The following FGF14 variants were observed in gnomAD, a reference collection of about 807,000 sequenced individuals.
FGF14 encodes the protein fibroblast growth factor homologous factor 4.
A neutral mutation model predicts 25.5 loss-of-function variants in FGF14; 5 were observed. The observed-to-expected ratio is 0.20, with a 90% confidence interval of 0.10 to 0.41. The LOEUF (loss-of-function observed/expected upper bound fraction) is 0.41. FGF14 is among the 10% of genes least tolerant of loss of function. The pLI, the probability that FGF14 is intolerant of heterozygous loss-of-function variation, is 1.00. For synonymous variants in FGF14, 138 were observed against 118.3 expected, an observed-to-expected ratio of 1.17 and a Z score of -1.08; for missense variants, 222 against 320.1, an observed-to-expected ratio of 0.69 and a Z score of 2.34.
At chr13:102,318,093 A>T (rs946717653) in intron 1 of FGF14, among the ~76,000 whole-genome samples, 11 of 152,192 alleles carry the variant, frequency 7.2e-5, no homozygotes, top group Admixed American at 7.2e-4. Flanking sequence ...TTTTCAGTAA[A>T]TGGAGGGAGT....
At chr13:102,137,321 C>T (rs2140439402) in intron 1 of FGF14, among the ~76,000 whole-genome samples, 1 of 152,328 alleles carries the variant, frequency 6.6e-6, no homozygotes, top group Non-Finnish European at 1.5e-5. Context: ...GCACAACTAA[C>T]TGCAAACTTA....
rs143090182 is a variant in FGF14, at chr13:102,185,384, A to C, written c.208+216087T>G. Among the ~76,000 whole-genome samples, 680 of 152,326 alleles carry C rather than the reference A, an allele frequency of 4.5e-3. 10 individuals carry two copies. Among genetic ancestry groups the C allele is most frequent in the African/African-American group, 0.016 (647 of 41,594 alleles). Reference sequence around the variant, plus strand: ...GGAAAGGCCACAACACAGTGGAAAGAGAAATTAAGAGATGGTGGCATAAAT... The same window carrying C: ...GGAAAGGCCACAACACAGTGGAAAGCGAAATTAAGAGATGGTGGCATAAAT... On this transcript the variant is annotated intron_variant, in intron 1 of 4. Coordinates refer to the FGF14 transcript ENST00000376131.
chr13:102,351,189 C>T (rs1214068213), intron 1 of FGF14, among the ~76,000 whole-genome samples: 1 of 151,664 alleles, frequency 6.6e-6, no homozygotes, highest in Admixed American at 6.6e-5. Context: ...CTATGTGAAT[C>T]AAAAAGACTA....
intron 1 of FGF14, among the ~76,000 whole-genome samples, chr13:102,274,063 T>A (rs1446123780): frequency 1.3e-5 from 2 of 152,056 alleles, no homozygotes; most frequent in African/African-American, 4.8e-5. Flanking sequence ...AGTAGTCACC[T>A]TGAGGGGTTT....
At chr13:102,388,125 G>A (rs1410647368) in intron 1 of FGF14, among the ~76,000 whole-genome samples, 1 of 152,064 alleles carries the variant, frequency 6.6e-6, no homozygotes, top group Non-Finnish European at 1.5e-5. Context: ...GTGTCCATGT[G>A]TACTCAATGT....
chr13:101,892,746 G>A (rs182858609), intron 1 of FGF14, among the ~76,000 whole-genome samples: 1 of 152,300 alleles, frequency 6.6e-6, no homozygotes. Context: ...GTAAGTCATA[G>A]CCTCTTGAAT....
intron 1 of FGF14, among the ~76,000 whole-genome samples, chr13:101,891,613 C>G (rs2029861427): frequency 6.6e-6 from 1 of 152,076 alleles, no homozygotes; most frequent in African/African-American, 2.4e-5. Flanking sequence ...CTTTGAAAAC[C>G]ATGCAAATCT....
In FGF14 at chr13:102,212,927, C is replaced by G. The variant is rs1403058642; in HGVS notation, c.208+188544G>C. Among the ~76,000 whole-genome samples the G allele has an allele frequency of 3.3e-5, 5 of 152,140 alleles. No homozygotes were observed. In the East Asian group the frequency reaches 9.6e-4, roughly 29 times the overall value. ...AAAGTCTGTGACTCCACTTCCCCAC[C>G]CCCCACAGTGCAAAACACTTAGCTT... On this transcript the variant is annotated intron_variant, in intron 1 of 4. Coordinates refer to the FGF14 transcript ENST00000376131.
At chr13:102,059,864 C>CAAAAAAAAAAAAAA (rs1360310381) in intron 1 of FGF14, among the ~76,000 whole-genome samples, 1 of 139,616 alleles carries the variant, frequency 7.2e-6, no homozygotes, top group African/African-American at 2.9e-5. Context: ...AAAACAAAAA[C>CAAAAAAAAAAAAAA]AAAAACAAAA....
intron 3 of FGF14, among the ~76,000 whole-genome samples, chr13:101,812,682 T>TA (rs1349460943): frequency 1.6e-4 from 17 of 109,386 alleles, no homozygotes; most frequent in East Asian, 6.3e-4. Flanking sequence ...TTTTTTTTTT[T>TA]ACGGAGTTTT....
intron 1 of FGF14, among the ~76,000 whole-genome samples, chr13:101,877,858 T>C (rs915622216): frequency 3.3e-5 from 5 of 152,206 alleles, no homozygotes; most frequent in Non-Finnish European, 7.4e-5. Flanking sequence ...CCAAAATTGC[T>C]AGTTCAGTAC....
At chr13:101,893,972 T>C (rs916720943) in intron 1 of FGF14, among the ~76,000 whole-genome samples, 1 of 151,928 alleles carries the variant, frequency 6.6e-6, no homozygotes, top group African/African-American at 2.4e-5. Flanking sequence ...GTCCTCTGTG[T>C]TAGTGAAAGT....
chr13:102,165,275 G>C (rs9557825), intron 1 of FGF14, among the ~76,000 whole-genome samples: 13,741 of 151,834 alleles, frequency 0.091, 1,261 homozygotes, highest in East Asian at 0.49. Context: ...CAGGGATCTA[G>C]AACTAGAAAT....
At chr13:101,933,196 A>C (rs953401419) in intron 1 of FGF14, among the ~76,000 whole-genome samples, 1 of 152,200 alleles carries the variant, frequency 6.6e-6, no homozygotes, top group Non-Finnish European at 1.5e-5. Flanking sequence ...CAAATCCATT[A>C]AAACTAACCA....
intron 1 of FGF14, among the ~76,000 whole-genome samples, chr13:102,393,256 TTTGTC>T (rs1450915776): frequency 6.6e-6 from 1 of 152,216 alleles, no homozygotes; most frequent in African/African-American, 2.4e-5. Flanking sequence ...GATCCTGTCT[TTTGTC>T]TTTCCTGCTA....
Position 101,850,333 on chromosome 13 carries a change from T to A in FGF14, c.408+18392A>T, listed in dbSNP as rs544996224. On this transcript the variant is annotated intron_variant, in intron 3 of 4. Transcript: ENST00000376143. ...GCCGGGCATAGTGGCAGGCGCCTGT[T>A]GTCCCAGCTCCTCGGGAGGCTGAGA... Among the ~76,000 whole-genome samples, 922 of 144,302 alleles carry A rather than the reference T, an allele frequency of 6.4e-3. 10 individuals carry two copies. The highest frequency in any genetic ancestry group is 0.016 in the South Asian group (72 of 4,470). The allele number at this position is 144,302 out of a possible 152,430, so 94.7% of individuals were successfully genotyped here.
chr13:101,968,396 G>A (rs2037356174), intron 1 of FGF14, among the ~76,000 whole-genome samples: 1 of 151,998 alleles, frequency 6.6e-6, no homozygotes, highest in African/African-American at 2.4e-5. Context: ...AGCTTAGGCT[G>A]GGCGTGGTGG....
intron 1 of FGF14, among the ~76,000 whole-genome samples, chr13:102,393,126 T>TA (rs935607578): frequency 4.6e-5 from 7 of 152,214 alleles, no homozygotes; most frequent in Admixed American, 3.9e-4. Context: ...GGCTAACTCT[T>TA]AGTCATTCTT....
At position 102,334,566 on chromosome 13, in the gene FGF14, C is replaced by A. The variant is rs114794765; in HGVS notation, c.208+66905G>T. 2.0e-3 allele frequency among the ~76,000 whole-genome samples: 307 copies of A among 152,190 alleles called. 1 individual carries two copies. Among genetic ancestry groups the A allele is most frequent in the African/African-American group, 7.2e-3 (299 of 41,528 alleles). ...ATGTTCTCTTTTGCCTCAAGATGAT[C>A]CTCCCATTGCACCAAGATTTATGAT... On this transcript the variant is annotated intron_variant, in intron 1 of 4. Coordinates refer to the FGF14 transcript ENST00000376131.
Sources: gnomAD v4.1 joint callset for allele counts (sites outside exome capture counted in the v4.1 genomes callset) on GRCh38, gnomAD v4.1.1 for gene constraint, MANE v1.5 for transcripts, NCBI Gene and HGNC (gene_info 2026-07-23, HGNC 2026-07-21) for gene names.